Variants in MARCHF1 observed in about 807,000 individuals in gnomAD.
The protein encoded by MARCHF1 is E3 ubiquitin-protein ligase MARCHF1.
Under a neutral mutation model 54.2 loss-of-function variants are expected in MARCHF1, and 40 were observed. That is an observed-to-expected ratio of 0.74 (90% CI 0.57 to 0.96). The LOEUF is 0.96. MARCHF1 is among the 40% of genes least tolerant of loss of function. The probability of loss-of-function intolerance (pLI) is 0.00; values close to 1 mark genes in which losing one functional copy is unlikely to be tolerated. For synonymous variants in MARCHF1, 236 were observed against 236.3 expected (o/e 1.00, Z 0.01); for missense variants, 586 against 656.5 (o/e 0.89, Z 1.17).
chr4:164,362,170 A>T (rs1460953494), intron 1 of MARCHF1, among the ~76,000 whole-genome samples: 1 of 152,160 alleles, frequency 6.6e-6, no homozygotes, highest in Admixed American at 6.6e-5. Context: ...CTTGTATAGA[A>T]AACCTTTTCT....
At chr4:163,707,301 C>T (rs376660850) in intron 4 of MARCHF1, among the ~76,000 whole-genome samples, 10 of 151,866 alleles carry the variant, frequency 6.6e-5, no homozygotes, top group East Asian at 5.8e-4. Context: ...CAATGAAACA[C>T]AAAAGACTGA....
intron 1 of MARCHF1, among the ~76,000 whole-genome samples, chr4:164,208,187 C>G (rs1033634192): frequency 1.3e-5 from 2 of 152,090 alleles, no homozygotes; most frequent in African/African-American, 2.4e-5. Flanking sequence ...ACTGGAGAGG[C>G]AGGGAGGGGC....
At chr4:163,662,698 G>A (rs947668292) in intron 5 of MARCHF1, among the ~76,000 whole-genome samples, 1 of 151,890 alleles carries the variant, frequency 6.6e-6, no homozygotes, top group African/African-American at 2.4e-5. Context: ...GTGTGTCTCC[G>A]GCTAGTGGTG....
At chr4:163,685,749 C>A (rs954074212) in intron 5 of MARCHF1, among the ~76,000 whole-genome samples, 5 of 152,256 alleles carry the variant, frequency 3.3e-5, no homozygotes, top group Middle Eastern at 3.4e-3. Context: ...CCACCACACC[C>A]GGCCAATTCT....
intron 5 of MARCHF1, among the ~76,000 whole-genome samples, chr4:163,634,794 A>AT (rs1026255193): frequency 1.4e-5 from 2 of 141,962 alleles, no homozygotes; most frequent in South Asian, 2.3e-4. Context: ...CAGAATATAC[A>AT]TTTTTTTCAG....
Position 163,796,312 on chromosome 4 carries a change from C to T in MARCHF1, c.111+57709G>A, listed in dbSNP as rs778966465. Among the ~76,000 whole-genome samples, 25 of 148,886 alleles carry T rather than the reference C, an allele frequency of 1.7e-4. 1 individual carries two copies. Among genetic ancestry groups the T allele is most frequent in the Non-Finnish European group, 7.4e-5 (5 of 67,680 alleles). On this transcript the variant is annotated intron_variant, in intron 4 of 9. Coordinates refer to ENST00000514618, the MANE Select transcript of MARCHF1 (RefSeq NM_001394959.1). Reference sequence around the variant, plus strand: ...CACGATCACAGCTAACTGCAACCTCCGCCTCCCAGGTTCAAGTGATTCTCC... The same window carrying T: ...CACGATCACAGCTAACTGCAACCTCTGCCTCCCAGGTTCAAGTGATTCTCC...
At chr4:164,328,687 G>A (rs577020073) in intron 1 of MARCHF1, among the ~76,000 whole-genome samples, 2 of 152,006 alleles carry the variant, frequency 1.3e-5, no homozygotes, top group South Asian at 2.1e-4. Context: ...GCACCAGCAC[G>A]CTCAGCTAAT....
chr4:164,372,047 C>T lies in MARCHF1; in HGVS notation c.-323+11823G>A, dbSNP rs56682919. Among the ~76,000 whole-genome samples the T allele has an allele frequency of 7.9e-3, 1,202 of 152,188 alleles. 11 individuals carry two copies. The highest frequency in any genetic ancestry group is 0.028 in the African/African-American group (1,149 of 41,518). On this transcript the variant is annotated intron_variant, in intron 1 of 9. Coordinates refer to ENST00000514618, the MANE Select transcript of MARCHF1 (RefSeq NM_001394959.1). ...CAGTGATGGCGCCACGGCATTCCAG[C>T]CTGGGTGACAGAGGGAGGCCCTTTC...
chr4:163,614,353 G>A (rs886449120), intron 5 of MARCHF1, among the ~76,000 whole-genome samples: 3 of 152,004 alleles, frequency 2.0e-5, no homozygotes, highest in African/African-American at 7.2e-5. Flanking sequence ...TTACAGCTGA[G>A]GAAACTGAAA....
chr4:164,335,568 C>A (rs1729711856), intron 1 of MARCHF1, among the ~76,000 whole-genome samples: 1 of 135,458 alleles, frequency 7.4e-6, no homozygotes, highest in Admixed American at 8.1e-5. Context: ...AGCAACAAAG[C>A]GAGACTCCAT....
chr4:164,123,136 GA>G (rs1394682001), intron 1 of MARCHF1, among the ~76,000 whole-genome samples: 1 of 151,986 alleles, frequency 6.6e-6, no homozygotes, highest in Non-Finnish European at 1.5e-5. Flanking sequence ...AATGAACATA[GA>G]AAAACCAGTA....
chr4:163,709,840 C>T (rs1745055042), intron 4 of MARCHF1, among the ~76,000 whole-genome samples: 1 of 152,124 alleles, frequency 6.6e-6, no homozygotes, highest in Non-Finnish European at 1.5e-5. Flanking sequence ...GCATGTTTAC[C>T]TCATAGAATT....
chr4:163,744,258 G>A (rs1463981600), intron 4 of MARCHF1, among the ~76,000 whole-genome samples: 1 of 151,956 alleles, frequency 6.6e-6, no homozygotes. Context: ...TTTTTTTTTA[G>A]GGGAAAGCCT....
intron 4 of MARCHF1, among the ~76,000 whole-genome samples, chr4:163,850,925 C>T (rs1274175647): frequency 6.6e-6 from 1 of 152,126 alleles, no homozygotes. Context: ...AGCAAAATGG[C>T]TGGCTTCTTC....
At chr4:164,176,181 T>G (rs1730657637) in intron 1 of MARCHF1, among the ~76,000 whole-genome samples, 1 of 152,142 alleles carries the variant, frequency 6.6e-6, no homozygotes, top group South Asian at 2.1e-4. Context: ...ACCTCAAACC[T>G]TTACAGTTAC....
chr4:163,765,941 T>C (rs1202885651), intron 4 of MARCHF1, among the ~76,000 whole-genome samples: 1 of 147,844 alleles, frequency 6.8e-6, no homozygotes. Context: ...CATATAAATA[T>C]ATATAATATA....
intron 1 of MARCHF1, among the ~76,000 whole-genome samples, chr4:164,136,688 A>G (rs1432200207): frequency 2.6e-5 from 4 of 152,152 alleles, no homozygotes; most frequent in Admixed American, 1.3e-4. Context: ...AGAGGCTGCA[A>G]TGCTCCATGT....
chr4:164,195,132 A>AC (rs932825324), intron 1 of MARCHF1, among the ~76,000 whole-genome samples: 1 of 146,246 alleles, frequency 6.8e-6, no homozygotes, highest in African/African-American at 2.5e-5. Context: ...CATGTCTTTT[A>AC]TTTTTTTTTT....
intron 1 of MARCHF1, among the ~76,000 whole-genome samples, chr4:164,215,050 C>T (rs966854884): frequency 6.6e-6 from 1 of 152,192 alleles, no homozygotes; most frequent in Non-Finnish European, 1.5e-5. Context: ...TTAGTTTAGC[C>T]GTCCGTAGTC....
Sources: gnomAD v4.1 joint callset for allele counts (sites outside exome capture counted in the v4.1 genomes callset) on GRCh38, gnomAD v4.1.1 for gene constraint, MANE v1.5 for transcripts, NCBI Gene and HGNC (gene_info 2026-07-23, HGNC 2026-07-21) for gene names.